The following CADM2 variants were observed in gnomAD, a reference collection of about 807,000 sequenced individuals.
CADM2 encodes cell adhesion molecule 2.
A neutral mutation model predicts 49.8 loss-of-function variants in CADM2; 12 were observed. The ratio of observed to expected loss-of-function variants is 0.24; its 90% CI spans 0.15 to 0.39. CADM2 has a LOEUF of 0.39. CADM2 is among the 10% of genes least tolerant of loss of function. The pLI is 1.00. For missense variants in CADM2, 378 were observed against 492.3 expected (o/e 0.77, Z 2.20); for synonymous variants, 214 against 175.4 (o/e 1.22, Z -1.74).
chr3:85,194,938 G>A (rs1483546808), intron 1 of CADM2, among the ~76,000 whole-genome samples: 1 of 151,936 alleles, frequency 6.6e-6, no homozygotes, highest in Non-Finnish European at 1.5e-5. Context: ...GAACTCCTGG[G>A]CTAAAGCAAT....
At chr3:85,541,560 G>T (rs1488793499) in intron 1 of CADM2, among the ~76,000 whole-genome samples, 1 of 150,074 alleles carries the variant, frequency 6.7e-6, no homozygotes, top group Non-Finnish European at 1.5e-5. Context: ...ACACTTCAGA[G>T]AAAGGCTGAA....
At chr3:85,926,334 G>A (rs746799115) in intron 6 of CADM2, among the ~76,000 whole-genome samples, 105 of 151,980 alleles carry the variant, frequency 6.9e-4, no homozygotes, top group Non-Finnish European at 9.0e-4. Flanking sequence ...CTCATTAGAT[G>A]TTAATTGCTA....
At chr3:85,066,020 T>G (rs2036515850) in intron 1 of CADM2, among the ~76,000 whole-genome samples, 1 of 152,050 alleles carries the variant, frequency 6.6e-6, no homozygotes, top group African/African-American at 2.4e-5. Flanking sequence ...CGTGGATATG[T>G]GGATGAGAGT....
chr3:85,716,259 A>G (rs906020784), intron 1 of CADM2, among the ~76,000 whole-genome samples: 1 of 152,232 alleles, frequency 6.6e-6, no homozygotes, highest in African/African-American at 2.4e-5. Context: ...ATGACCAATG[A>G]TGATGAGCTT....
intron 1 of CADM2, among the ~76,000 whole-genome samples, chr3:85,553,275 G>A (rs1473391859): frequency 1.1e-5 from 1 of 93,600 alleles, no homozygotes; most frequent in Non-Finnish European, 2.5e-5. Context: ...CATATATCAG[G>A]TACTCTAGAT....
chr3:85,935,875 C>T lies in CADM2; in HGVS notation c.791+18C>T, dbSNP rs374916875. The T allele has an allele frequency of 4.2e-6, 6 of 1,441,704 alleles. No homozygotes were observed. The highest frequency in any genetic ancestry group is 1.4e-5 in the African/African-American group (1 of 70,400). The allele number at this position is 1,441,704 out of a possible 1,614,324, so 89.3% of individuals were successfully genotyped here. A position where few individuals can be genotyped will look rare whatever the true frequency, so the allele number is the denominator to read the frequency against. On this transcript the variant is annotated intron_variant, in intron 7 of 9. Transcript: ENST00000383699. ...AAACCACTGTAAGTGAGTTAATGAGCAATAAAGCTTTTAACTTTTTTTCTT... is the reference window on the plus strand; with the variant it reads ...AAACCACTGTAAGTGAGTTAATGAGTAATAAAGCTTTTAACTTTTTTTCTT...
At position 85,935,749 on chromosome 3, in the gene CADM2, A is replaced by G. The variant is rs746040615; in HGVS notation, c.701-18A>G. 6 of 1,434,124 alleles carry G rather than the reference A, an allele frequency of 4.2e-6. No homozygotes were observed. In the African/African-American group the frequency reaches 8.5e-5, roughly 20 times the overall value. 88.8% of individuals were successfully genotyped at this position (1,434,124 alleles called of 1,614,324 possible). The stretch of plus-strand genomic sequence containing the variant: ...TGTATGTGTTTAATTACCTTTCTTA[A>G]TATTCTTTTATTTCTAGATACACCA... On this transcript the variant is annotated intron_variant, in intron 6 of 9. Transcript: ENST00000383699.
chr3:85,134,167 C>T (rs2107615601), intron 1 of CADM2, among the ~76,000 whole-genome samples: 1 of 152,342 alleles, frequency 6.6e-6, no homozygotes, highest in South Asian at 2.1e-4. Flanking sequence ...GCGGGGTCCG[C>T]CAAGCCCACG....
intron 1 of CADM2, among the ~76,000 whole-genome samples, chr3:85,077,428 C>A (rs2036988663): frequency 6.6e-6 from 1 of 151,876 alleles, no homozygotes; most frequent in African/African-American, 2.4e-5. Context: ...TATAGCCCTA[C>A]CATAACTGTT....
In CADM2 at chr3:86,068,533, G is replaced by A. The variant is rs1739566063; in HGVS notation, c.*1750G>A. On this transcript the variant is annotated 3_prime_UTR_variant, in exon 10 of 10. Coordinates refer to ENST00000383699, the MANE Select transcript of CADM2 (RefSeq NM_001167675.2). Reference sequence around the variant, plus strand: ...ATATTTTTGGGTAATAAGAATGGTTGAGTGCAACATCATGTATTAATATCA... The same window carrying A: ...ATATTTTTGGGTAATAAGAATGGTTAAGTGCAACATCATGTATTAATATCA... The A allele has an allele frequency of 6.6e-6, 1 of 151,932 alleles. No individual in the cohort carries two copies. The highest frequency in any genetic ancestry group is 2.1e-4 in the South Asian group (1 of 4,834). 9.4% of individuals were successfully genotyped at this position (151,932 alleles called of 1,614,324 possible). A position where few individuals can be genotyped will look rare whatever the true frequency, so the allele number is the denominator to read the frequency against.
intron 2 of CADM2, among the ~76,000 whole-genome samples, chr3:85,771,664 A>T (rs2070093457): frequency 1.3e-5 from 2 of 152,126 alleles, no homozygotes; most frequent in East Asian, 1.9e-4. Context: ...AGGGTCTAAA[A>T]AGGGTCTCTC....
rs72917103 is a variant in CADM2, at chr3:85,240,874, C to G, written c.61+281206C>G. Among the ~76,000 whole-genome samples the G allele has an allele frequency of 6.5e-3, 979 of 151,558 alleles. 14 individuals are homozygous for G. The highest frequency in any genetic ancestry group is 0.022 in the African/African-American group (914 of 41,452). On this transcript the variant is annotated intron_variant, in intron 1 of 9. Transcript: ENST00000383699. ...TTGTTATGGAGACGTAATAGTTGTACATATCTTTGGGGTAGATGTAATATT... is the reference window on the plus strand; with the variant it reads ...TTGTTATGGAGACGTAATAGTTGTAGATATCTTTGGGGTAGATGTAATATT...
intron 1 of CADM2, among the ~76,000 whole-genome samples, chr3:85,018,328 G>A (rs2034339935): frequency 6.6e-6 from 1 of 152,104 alleles, no homozygotes; most frequent in African/African-American, 2.4e-5. Flanking sequence ...CTACTTGCCT[G>A]TTAAGGATAC....
chr3:85,097,755 G>A (rs1424262720), intron 1 of CADM2, among the ~76,000 whole-genome samples: 1 of 152,192 alleles, frequency 6.6e-6, no homozygotes, highest in Non-Finnish European at 1.5e-5. Context: ...TGCCCTAGCA[G>A]ACTGATACAT....
intron 1 of CADM2, among the ~76,000 whole-genome samples, chr3:85,545,898 T>G (rs1318442735): frequency 2.6e-5 from 4 of 152,190 alleles, no homozygotes; most frequent in Non-Finnish European, 5.9e-5. Context: ...GATCTAAATT[T>G]TGGTATGAGA....
At chr3:85,835,779 C>T (rs1460888026) in intron 3 of CADM2, among the ~76,000 whole-genome samples, 1 of 145,498 alleles carries the variant, frequency 6.9e-6, no homozygotes, top group Non-Finnish European at 1.5e-5. Flanking sequence ...ATATATATCC[C>T]TTGCTTGCAA....
intron 1 of CADM2, among the ~76,000 whole-genome samples, chr3:84,980,081 C>T (rs2032076176): frequency 6.6e-6 from 1 of 152,138 alleles, no homozygotes; most frequent in South Asian, 2.1e-4. Context: ...TAACCTTGAT[C>T]ATAATCATAC....
intron 2 of CADM2, among the ~76,000 whole-genome samples, chr3:85,781,252 GTAATTGGC>G (rs2070633312): frequency 1.3e-5 from 2 of 152,120 alleles, no homozygotes; most frequent in Admixed American, 6.6e-5. Flanking sequence ...TGTCCTTCAT[GTAATTGGC>G]CTTTAAGTCT....
intron 3 of CADM2, among the ~76,000 whole-genome samples, chr3:85,803,732 C>G (rs1371115107): frequency 1.3e-5 from 2 of 152,010 alleles, no homozygotes; most frequent in Admixed American, 1.3e-4. Context: ...AGGCCTTCCA[C>G]TGATTGAGTG....
Sources: allele counts gnomAD v4.1 joint callset (sites outside exome capture counted in the v4.1 genomes callset), GRCh38; gene constraint gnomAD v4.1.1; transcripts MANE v1.5; gene names NCBI Gene and HGNC (gene_info 2026-07-23, HGNC 2026-07-21).